The following ATP9A variants were observed in gnomAD, a reference collection of about 807,000 sequenced individuals.
The protein encoded by ATP9A is probable phospholipid-transporting ATPase IIA.
ATP9A carries 52 observed loss-of-function variants against 144.1 expected under a neutral mutation model. The observed-to-expected ratio is 0.36, with a 90% CI of 0.29 to 0.45. The LOEUF (loss-of-function observed/expected upper bound fraction) is 0.45, where lower values mean the gene tolerates loss of function less well. ATP9A is among the 20% of genes least tolerant of loss of function. The probability of loss-of-function intolerance (pLI) is 1.00; values close to 1 mark genes in which losing one functional copy is unlikely to be tolerated. For synonymous variants in ATP9A, 582 were observed against 557.4 expected, an observed-to-expected ratio of 1.04 and a Z score of -0.62; for missense variants, 947 against 1,392.7, an observed-to-expected ratio of 0.68 and a Z score of 5.09.
At position 51,718,449 on chromosome 20, in the gene ATP9A, A is replaced by G. The variant is rs541102329; in HGVS notation, c.328-5375T>C. Reference sequence around the variant, plus strand: ...TATCATGCGATCTTTTCTATTTGAAAAAAGAACAGTGAACAGGAGCAGCTT... The same window carrying G: ...TATCATGCGATCTTTTCTATTTGAAGAAAGAACAGTGAACAGGAGCAGCTT... On this transcript the variant is annotated intron_variant, in intron 3 of 27. Transcript: ENST00000338821. 5.9e-5 allele frequency among the ~76,000 whole-genome samples: 9 copies of G among 152,072 alleles called. No individual in the cohort carries two copies. In the East Asian group the frequency reaches 1.7e-3, roughly 29 times the overall value.
At chr20:51,716,593 T>C (rs886624074) in intron 3 of ATP9A, among the ~76,000 whole-genome samples, 2 of 151,860 alleles carry the variant, frequency 1.3e-5, no homozygotes, top group African/African-American at 4.8e-5. Flanking sequence ...GCAGAGATTG[T>C]TGCAGTAAGC....
At chr20:51,702,365 CGTGT>C (rs10578719) in intron 4 of ATP9A, among the ~76,000 whole-genome samples, 5,727 of 130,208 alleles carry the variant, frequency 0.044, 152 homozygotes, top group East Asian at 0.089. Flanking sequence ...TGTGTGTGTT[CGTGT>C]GTGTGTGTGT....
At chr20:51,755,910 G>A (rs975196101) in intron 1 of ATP9A, among the ~76,000 whole-genome samples, 1 of 151,910 alleles carries the variant, frequency 6.6e-6, no homozygotes, top group Non-Finnish European at 1.5e-5. Flanking sequence ...AGCCGAGATC[G>A]TGCCACTGAA....
Position 51,601,158 on chromosome 20 carries a change from T to G in ATP9A, c.*53A>C. ...CGGTTAATATAAATGGAACTTGAGC[T>G]CTGTCCATCAGGGAAGCGCCAAGAC... On this transcript the variant is annotated 3_prime_UTR_variant, in exon 28 of 28. Coordinates refer to ENST00000338821, the MANE Select transcript of ATP9A (RefSeq NM_006045.3). 6.6e-7 allele frequency: 1 copy of G among 1,525,058 alleles called. No homozygotes were observed. Among genetic ancestry groups the G allele is most frequent in the South Asian group, 1.3e-5 (1 of 77,180 alleles). The allele number at this position is 1,525,058 out of a possible 1,614,324, so 94.5% of individuals were successfully genotyped here. A position where few individuals can be genotyped will look rare whatever the true frequency, so the allele number is the denominator to read the frequency against.
chr20:51,611,189 G>A lies in ATP9A; in HGVS notation c.2572-1024C>T, dbSNP rs1446095795. ...ATCAGACCAGGGCTAGCTCCCCAGAGCACCTTCAATGGACACAGAGAGAAA... is the reference window on the plus strand; with the variant it reads ...ATCAGACCAGGGCTAGCTCCCCAGAACACCTTCAATGGACACAGAGAGAAA... On this transcript the variant is annotated intron_variant, in intron 23 of 27. Coordinates refer to ENST00000338821, the MANE Select transcript of ATP9A (RefSeq NM_006045.3). The surrounding 1 kb of genome is among the most constrained non-coding windows in gnomAD (Gnocchi z 4.2). Among the ~76,000 whole-genome samples, 1 of 152,194 alleles carries A rather than the reference G, an allele frequency of 6.6e-6. No individual in the cohort carries two copies. The highest frequency in any genetic ancestry group is 6.5e-5 in the Admixed American group (1 of 15,274).
At chr20:51,671,068 A>C (rs781616708) in intron 12 of ATP9A, 47 bp downstream of exon 12, 1 of 1,595,654 alleles carries the variant, frequency 6.3e-7, no homozygotes, top group Non-Finnish European at 8.6e-7. Context: ...GCCCTCAGGC[A>C]TCTTCTCTCA....
chr20:51,729,337 C>A (rs1487296038), intron 2 of ATP9A, among the ~76,000 whole-genome samples: 1 of 151,864 alleles, frequency 6.6e-6, no homozygotes, highest in Admixed American at 6.6e-5. Flanking sequence ...CCCCTCCACC[C>A]CACCCCACCT....
At chr20:51,703,687 T>C (rs972464209) in intron 4 of ATP9A, among the ~76,000 whole-genome samples, 1 of 152,194 alleles carries the variant, frequency 6.6e-6, no homozygotes. Context: ...AACCAGATGT[T>C]TCCCTTGAGT....
chr20:51,761,070 T>C (rs993658318), intron 1 of ATP9A, among the ~76,000 whole-genome samples: 5 of 152,158 alleles, frequency 3.3e-5, no homozygotes, highest in Non-Finnish European at 7.3e-5. Context: ...ATGAGAGTCC[T>C]ACCTAACACC....
chr20:51,749,911 T>C (rs117191058), intron 1 of ATP9A, among the ~76,000 whole-genome samples: 4,422 of 152,014 alleles, frequency 0.029, 62 homozygotes, highest in East Asian at 0.061. Flanking sequence ...CTTTGGGAGA[T>C]AGGCAGATGG....
intron 26 of ATP9A, among the ~76,000 whole-genome samples, chr20:51,605,887 T>C (rs935344126): frequency 9.3e-5 from 14 of 149,816 alleles, no homozygotes; most frequent in Non-Finnish European, 2.1e-4. Flanking sequence ...CACTCCAGCC[T>C]GGGTGATACA....
At chr20:51,708,669 G>A (rs1158898036) in intron 4 of ATP9A, among the ~76,000 whole-genome samples, 1 of 152,156 alleles carries the variant, frequency 6.6e-6, no homozygotes, top group Non-Finnish European at 1.5e-5. Flanking sequence ...CCAGGAGGTG[G>A]AGGTTGCAGT....
chr20:51,601,047 A>C lies in ATP9A; in HGVS notation c.*164T>G. 2.5e-6 allele frequency: 2 copies of C among 788,050 alleles called. No individual in the cohort carries two copies. Among genetic ancestry groups the C allele is most frequent in the South Asian group, 2.9e-5 (1 of 34,156 alleles). 48.8% of individuals were successfully genotyped at this position (788,050 alleles called of 1,614,324 possible). A position where few individuals can be genotyped will look rare whatever the true frequency, so the allele number is the denominator to read the frequency against. ...TCTTTCAGGACCCTCCCTCCCGTTG[A>C]TGCAGCGTTAGGACTCCGTTTAGGC... On this transcript the variant is annotated 3_prime_UTR_variant, in exon 28 of 28. Transcript: ENST00000338821.
intron 13 of ATP9A, among the ~76,000 whole-genome samples, chr20:51,659,806 G>C (rs143663861): frequency 4.7e-4 from 72 of 152,272 alleles, no homozygotes; most frequent in African/African-American, 1.7e-3. Flanking sequence ...GACTCCTCAG[G>C]TAATTAGACA....
At chr20:51,614,673 G>A (rs568490045) in intron 22 of ATP9A, among the ~76,000 whole-genome samples, 8 of 152,236 alleles carry the variant, frequency 5.3e-5, no homozygotes, top group East Asian at 1.9e-4. Context: ...CTCTGGATAC[G>A]ACACAACAGG....
chr20:51,627,146 C>T (rs1003784909), intron 17 of ATP9A, among the ~76,000 whole-genome samples: 5 of 148,642 alleles, frequency 3.4e-5, no homozygotes, highest in African/African-American at 4.9e-5. Flanking sequence ...ATTTTATTCC[C>T]GAAAGGAGAT....
chr20:51,627,451 C>T (rs907907110), intron 17 of ATP9A, 149 bp downstream of exon 17: 23 of 717,844 alleles, frequency 3.2e-5, no homozygotes, highest in African/African-American at 8.8e-5. Context: ...GCAGACAGAA[C>T]GGCAAGTGCA....
At chr20:51,761,264 A>T (rs2077879146) in intron 1 of ATP9A, among the ~76,000 whole-genome samples, 1 of 152,232 alleles carries the variant, frequency 6.6e-6, no homozygotes, top group African/African-American at 2.4e-5. Flanking sequence ...ATAATGAGTC[A>T]CATAAACATG....
chr20:51,600,915 G>T lies in ATP9A; in HGVS notation c.*296C>A. 4.0e-6 allele frequency: 1 copy of T among 251,628 alleles called. No individual in the cohort carries two copies. The highest frequency in any genetic ancestry group is 7.6e-6 in the Non-Finnish European group (1 of 131,788). The allele number at this position is 251,628 out of a possible 1,614,324, so 15.6% of individuals were successfully genotyped here. A position where few individuals can be genotyped will look rare whatever the true frequency, so the allele number is the denominator to read the frequency against. ...ACAACAAAATTCAAGTCATAAGGAAGCTCGCACAGTGACCCATATAAATCT... is the reference window on the plus strand; with the variant it reads ...ACAACAAAATTCAAGTCATAAGGAATCTCGCACAGTGACCCATATAAATCT... On this transcript the variant is annotated 3_prime_UTR_variant, in exon 28 of 28. Coordinates refer to ENST00000338821, the MANE Select transcript of ATP9A (RefSeq NM_006045.3).
Sources: gnomAD v4.1 joint callset for allele counts (sites outside exome capture counted in the v4.1 genomes callset) on GRCh38, gnomAD v4.1.1 for gene constraint, Gnocchi (gnomAD v3.1) non-coding constraint, MANE v1.5 for transcripts, NCBI Gene and HGNC (gene_info 2026-07-23, HGNC 2026-07-21) for gene names.